Variants in ADAMTS16 observed in about 807,000 individuals in gnomAD.
ADAMTS16 encodes the protein ADAM metallopeptidase with thrombospondin type 1 motif 16.
A neutral mutation model predicts 145.8 loss-of-function variants in ADAMTS16; 94 were observed. The observed-to-expected ratio is 0.64, with a 90% CI of 0.55 to 0.77. ADAMTS16 has a LOEUF of 0.77. ADAMTS16 is among the 30% of genes least tolerant of loss of function. The pLI, the probability that ADAMTS16 is intolerant of heterozygous loss-of-function variation, is 0.00. For missense variants in ADAMTS16, 1,585 were observed against 1,591.5 expected (o/e 1.00, Z 0.07); for synonymous variants, 659 against 604.3 (o/e 1.09, Z -1.33).
chr5:5,195,357 A>T (rs959626172), intron 8 of ADAMTS16, among the ~76,000 whole-genome samples: 7 of 152,238 alleles, frequency 4.6e-5, no homozygotes, highest in Admixed American at 2.0e-4. Context: ...AGAATATGTC[A>T]TCTGTGCATG....
chr5:5,294,200 C>T (rs564314205), intron 18 of ADAMTS16, among the ~76,000 whole-genome samples: 31 of 152,182 alleles, frequency 2.0e-4, no homozygotes, highest in Non-Finnish European at 4.0e-4. Flanking sequence ...TGGAGTTCTG[C>T]AAAGAACCAG....
At chr5:5,189,268 C>A (rs1735593215) in intron 6 of ADAMTS16, among the ~76,000 whole-genome samples, 1 of 152,184 alleles carries the variant, frequency 6.6e-6, no homozygotes, top group African/African-American at 2.4e-5. Context: ...GCAGGCTGGT[C>A]TGATGCATGT....
intron 18 of ADAMTS16, among the ~76,000 whole-genome samples, chr5:5,297,151 G>A (rs1467138149): frequency 6.6e-6 from 1 of 152,182 alleles, no homozygotes; most frequent in Non-Finnish European, 1.5e-5. Context: ...AATCAATGCT[G>A]GAGCCCTTCC....
intron 11 of ADAMTS16, among the ~76,000 whole-genome samples, chr5:5,231,293 C>T (rs1736914752): frequency 6.6e-6 from 1 of 152,192 alleles, no homozygotes; most frequent in Admixed American, 6.5e-5. Flanking sequence ...TGGAATTGTT[C>T]TTACTTAAAT....
chr5:5,207,458 C>G (rs952955486), intron 9 of ADAMTS16, among the ~76,000 whole-genome samples: 3 of 152,030 alleles, frequency 2.0e-5, no homozygotes, highest in Non-Finnish European at 4.4e-5. Flanking sequence ...AAATTTCTAC[C>G]TAGACAATCA....
At chr5:5,159,408 C>T (rs1476990266) in intron 3 of ADAMTS16, among the ~76,000 whole-genome samples, 1 of 152,184 alleles carries the variant, frequency 6.6e-6, no homozygotes, top group African/African-American at 2.4e-5. Flanking sequence ...CCTCCTAGGG[C>T]TGAGTGAGTT....
Position 5,140,538 on chromosome 5 carries a change from A to C in ADAMTS16, c.71A>C (p.Gln24Pro), listed in dbSNP as rs1441166539. The C allele has an allele frequency of 1.3e-6, 2 of 1,510,748 alleles. No individual in the cohort carries two copies. The highest frequency in any genetic ancestry group is 5.3e-5 in the East Asian group (2 of 37,852). The allele number at this position is 1,510,748 out of a possible 1,614,324, so 93.6% of individuals were successfully genotyped here. A position where few individuals can be genotyped will look rare whatever the true frequency, so the allele number is the denominator to read the frequency against. The change falls in exon 1 of 23, where the codon CAG (glutamine) becomes CCG (proline). Residue 24 changes from glutamine to proline, a missense_variant and splice_region_variant. This residue lies in a region of ADAMTS16 where 453 missense variants were observed against 412.1 expected (regional missense o/e 1.10). Transcript: ENST00000274181. ...ATGCTGTTGGCGCAGGTGGCCGAGC[A>C]GGTGAGTCCCGGGCGCTCCCACCAG... ...LWMLLAQVAE[Q>P]APACAMGPAA...
At chr5:5,207,585 G>A (rs1736162059) in intron 9 of ADAMTS16, among the ~76,000 whole-genome samples, 1 of 151,914 alleles carries the variant, frequency 6.6e-6, no homozygotes, top group Non-Finnish European at 1.5e-5. Flanking sequence ...GAAAGGGAGT[G>A]GTAAGAGGAG....
At chr5:5,216,556 T>A (rs932057123) in intron 10 of ADAMTS16, among the ~76,000 whole-genome samples, 3 of 152,132 alleles carry the variant, frequency 2.0e-5, no homozygotes, top group African/African-American at 4.8e-5. Flanking sequence ...TTATCTTTGT[T>A]TTTATTGCAT....
chr5:5,294,003 C>A (rs1579390061), intron 18 of ADAMTS16, among the ~76,000 whole-genome samples: 1 of 152,182 alleles, frequency 6.6e-6, no homozygotes, highest in Non-Finnish European at 1.5e-5. Context: ...TGTGTGTGAG[C>A]CCCGTGCCCT....
intron 3 of ADAMTS16, among the ~76,000 whole-genome samples, chr5:5,148,959 A>G (rs1208102064): frequency 1.3e-5 from 2 of 152,168 alleles, no homozygotes; most frequent in African/African-American, 4.8e-5. Flanking sequence ...GAGACTGTCC[A>G]GAAACCAAGT....
At chr5:5,178,229 T>C (rs962935145) in intron 3 of ADAMTS16, among the ~76,000 whole-genome samples, 2 of 152,350 alleles carry the variant, frequency 1.3e-5, no homozygotes, top group East Asian at 1.9e-4. Context: ...GTTTTTCTAA[T>C]GTAAAATGAT....
intron 17 of ADAMTS16, among the ~76,000 whole-genome samples, chr5:5,258,144 C>CT (rs563677879): frequency 5.4e-4 from 82 of 152,300 alleles, no homozygotes; most frequent in Middle Eastern, 3.4e-3. Flanking sequence ...GGTTGAATGA[C>CT]ATCGGAATGA....
intron 8 of ADAMTS16, among the ~76,000 whole-genome samples, chr5:5,196,128 A>G (rs989948680): frequency 2.1e-4 from 31 of 150,306 alleles, no homozygotes; most frequent in Non-Finnish European, 3.4e-4. Context: ...CAGGAGGCTG[A>G]GGCAGAGTAA....
intron 17 of ADAMTS16, among the ~76,000 whole-genome samples, chr5:5,261,901 T>G (rs758893150): frequency 6.6e-6 from 1 of 152,206 alleles, no homozygotes; most frequent in Non-Finnish European, 1.5e-5. Flanking sequence ...ATGGAAACTT[T>G]CTGTCCATTA....
chr5:5,302,624 C>T (rs1207286018), intron 18 of ADAMTS16, among the ~76,000 whole-genome samples: 1 of 152,062 alleles, frequency 6.6e-6, no homozygotes, highest in African/African-American at 2.4e-5. Context: ...TAAGGTAAAG[C>T]CTAAAGACTA....
chr5:5,187,467 T>C (rs1274070625), intron 5 of ADAMTS16, among the ~76,000 whole-genome samples: 1 of 152,210 alleles, frequency 6.6e-6, no homozygotes, highest in African/African-American at 2.4e-5. Context: ...ATCCTCTTTA[T>C]ATTCTAAGGG....
intron 21 of ADAMTS16, among the ~76,000 whole-genome samples, chr5:5,309,569 C>T (rs1169605057): frequency 6.6e-6 from 1 of 152,158 alleles, no homozygotes; most frequent in Non-Finnish European, 1.5e-5. Context: ...GAGAAGTTTC[C>T]TCCTGCAGCA....
intron 10 of ADAMTS16, among the ~76,000 whole-genome samples, chr5:5,221,963 G>C (rs1736616701): frequency 6.6e-6 from 1 of 152,172 alleles, no homozygotes; most frequent in Non-Finnish European, 1.5e-5. Context: ...CTGAACACTT[G>C]TGCAGACAAT....
Sources: allele counts gnomAD v4.1 joint callset (sites outside exome capture counted in the v4.1 genomes callset), GRCh38; gene constraint gnomAD v4.1.1; regional missense constraint gnomAD v4.1.1; transcripts MANE v1.5; gene names NCBI Gene and HGNC (gene_info 2026-07-23, HGNC 2026-07-21).